The following ADGRV1 variants were observed in gnomAD, a reference collection of about 807,000 sequenced individuals.
The protein encoded by ADGRV1 is adhesion G protein-coupled receptor V1.
Under a neutral mutation model 596.2 loss-of-function variants are expected in ADGRV1, and 359 were observed. The observed-to-expected ratio is 0.60, with a 90% CI of 0.55 to 0.66. ADGRV1 has a LOEUF of 0.66. Among genes scored for constraint, ADGRV1 ranks in the 30% least tolerant of loss-of-function variants. The pLI is 0.00. For missense variants in ADGRV1, 7,274 were observed against 7,575.6 expected, an observed-to-expected ratio of 0.96 and a Z score of 1.48; for synonymous variants, 2,681 against 2,679.2, an observed-to-expected ratio of 1.00 and a Z score of -0.02.
At position 90,720,988 on chromosome 5, in the gene ADGRV1, C is replaced by A; in HGVS notation, c.9677C>A (p.Ser3226Tyr). 10 of 1,612,588 alleles carry A rather than the reference C, an allele frequency of 6.2e-6. No individual in the cohort carries two copies. The highest frequency in any genetic ancestry group is 8.5e-6 in the Non-Finnish European group (10 of 1,178,920). ...EANRTVYLNV[S>Y]RTNGIDLAVS... ...AATAGGACCGTGTATTTAAATGTAT[C>A]TCGAACTAATGGCATTGATTTGGCT... Residue 3226 changes from serine to tyrosine, a missense_variant, in exon 45 of 90, where the codon TCT becomes TAT. This residue lies in a region of ADGRV1 where 3,643 missense variants were observed against 3,809.2 expected (regional missense o/e 0.96). Transcript: ENST00000405460.
At chr5:90,654,840 T>C (rs1769172239) in intron 20 of ADGRV1, 1 of 152,148 alleles carries the variant, frequency 6.6e-6, no homozygotes, top group African/African-American at 2.4e-5. Flanking sequence ...TATTATCCAC[T>C]TTTTGGCTGT....
chr5:90,979,095 T>C (rs867700490), intron 84 of ADGRV1, among the ~76,000 whole-genome samples: 33 of 151,556 alleles, frequency 2.2e-4, no homozygotes, highest in African/African-American at 8.0e-4. Flanking sequence ...GCATTTAAAG[T>C]GAGTGGTGAA....
chr5:90,564,612 A>AAT lies in ADGRV1; in HGVS notation c.22+5708_22+5709dup, dbSNP rs200720440. On this transcript the variant is annotated intron_variant, in intron 1 of 89. Transcript: ENST00000405460. ...CAAAGTACACATTTCCATGGCGTTT[A>AAT]ATATATATATATATTTTTTTTTTTT... Among the ~76,000 whole-genome samples the AAT allele has an allele frequency of 1.3e-3, 97 of 77,092 alleles. 12 individuals carry two copies. The highest frequency in any genetic ancestry group is 4.7e-3 in the East Asian group (13 of 2,768). 50.6% of individuals were successfully genotyped at this position (77,092 alleles called of 152,430 possible).
At chr5:90,920,905 T>C (rs987106621) in intron 83 of ADGRV1, among the ~76,000 whole-genome samples, 2 of 152,224 alleles carry the variant, frequency 1.3e-5, no homozygotes, top group Admixed American at 1.3e-4. Flanking sequence ...TCCTTTGTTA[T>C]TGTTAACTGC....
intron 1 of ADGRV1, among the ~76,000 whole-genome samples, chr5:90,594,961 G>T (rs1237219674): frequency 1.4e-5 from 2 of 146,478 alleles, no homozygotes; most frequent in African/African-American, 5.2e-5. Context: ...CCACAAAGCC[G>T]CCATTGTCAT....
At chr5:90,995,853 G>A (rs1452562088) in intron 85 of ADGRV1, among the ~76,000 whole-genome samples, 2 of 152,176 alleles carry the variant, frequency 1.3e-5, no homozygotes, top group African/African-American at 4.8e-5. Flanking sequence ...GAGACTGGTG[G>A]CATTGTGCCC....
At chr5:90,699,968 A>AT (rs1048219829) in intron 34 of ADGRV1, among the ~76,000 whole-genome samples, 25 of 152,192 alleles carry the variant, frequency 1.6e-4, no homozygotes, top group African/African-American at 6.0e-4. Flanking sequence ...TGCTCCCTAG[A>AT]TTTTTTATGT....
At chr5:91,070,748 C>A (rs1788316921) in intron 85 of ADGRV1, among the ~76,000 whole-genome samples, 1 of 152,018 alleles carries the variant, frequency 6.6e-6, no homozygotes, top group Non-Finnish European at 1.5e-5. Context: ...TGCCTTGGAC[C>A]CCACTATCCT....
intron 87 of ADGRV1, among the ~76,000 whole-genome samples, chr5:91,114,351 A>AC (rs1174525782): frequency 2.6e-5 from 4 of 151,936 alleles, no homozygotes; most frequent in Non-Finnish European, 5.9e-5. Flanking sequence ...ACATGGTGAA[A>AC]CCCCATCTCT....
intron 87 of ADGRV1, among the ~76,000 whole-genome samples, chr5:91,110,212 GC>G (rs1171365328): frequency 1.3e-5 from 2 of 152,148 alleles, no homozygotes; most frequent in East Asian, 3.8e-4. Flanking sequence ...AACTATTCAG[GC>G]CAAGGTATAT....
chr5:90,694,642 G>A lies in ADGRV1; in HGVS notation c.7886G>A (p.Gly2629Glu). 1.2e-6 allele frequency: 2 copies of A among 1,613,088 alleles called. No individual in the cohort carries two copies. Among genetic ancestry groups the A allele is most frequent in the Non-Finnish European group, 1.7e-6 (2 of 1,179,390 alleles). Residue 2629 changes from glycine to glutamate, a missense_variant, in exon 33 of 90, where the codon GGA becomes GAA. By Grantham distance (98) the Gly-to-Glu change is moderately conservative. This residue lies in a region of ADGRV1 where 3,643 missense variants were observed against 3,809.2 expected (regional missense o/e 0.96). Coordinates refer to ENST00000405460, the MANE Select transcript of ADGRV1 (RefSeq NM_032119.4). ...GCAGTCGAATGGCGTGTTGTTGGTG[G>A]AACAGCTACTGAAGGTTTAGATTTT... ...QVAVEWRVVG[G>E]TATEGLDFIG... is the part of the protein sequence containing the mutation.
intron 87 of ADGRV1, among the ~76,000 whole-genome samples, chr5:91,118,292 G>C (rs538462503): frequency 6.6e-6 from 1 of 152,108 alleles, no homozygotes; most frequent in South Asian, 2.1e-4. Flanking sequence ...AAAGGCCTTG[G>C]GGGAGGGGGA....
intron 85 of ADGRV1, among the ~76,000 whole-genome samples, chr5:91,024,632 G>T (rs1013453010): frequency 6.6e-6 from 1 of 151,882 alleles, no homozygotes; most frequent in Non-Finnish European, 1.5e-5. Context: ...ACAATCCAGG[G>T]TTCCATAAAA....
chr5:90,888,566 C>T (rs2150572484), intron 83 of ADGRV1, among the ~76,000 whole-genome samples: 1 of 152,194 alleles, frequency 6.6e-6, no homozygotes, highest in Middle Eastern at 3.4e-3. Flanking sequence ...GAAAAAATGA[C>T]TAATGGGCCT....
Position 90,777,925 on chromosome 5 carries a change from T to C in ADGRV1, c.12548T>C (p.Ile4183Thr), listed in dbSNP as rs570307357. The C allele has an allele frequency of 3.7e-6, 6 of 1,610,024 alleles. No homozygotes were observed. The Admixed American group carries it at 1.0e-4, about 27-fold the overall frequency. ...AIISLVRGPGILGEVTVFWRI... is the reference protein window; with the variant it reads ...AIISLVRGPGTLGEVTVFWRI... ...TGTAGCCTTGTTCGAGGCCCAGGGA[T>C]TTTGGGGGAGGTCACAGTGTTCTGG... is the stretch of plus-strand genomic sequence containing the variant. Residue 4183 changes from isoleucine (I) to threonine (T), a missense_variant, in exon 62 of 90, where the codon ATT (isoleucine) becomes ACT (threonine). Transcript: ENST00000405460.
intron 85 of ADGRV1, among the ~76,000 whole-genome samples, chr5:90,989,180 G>A (rs1054522819): frequency 1.3e-5 from 2 of 151,822 alleles, no homozygotes; most frequent in Non-Finnish European, 2.9e-5. Flanking sequence ...TGGGTCAAAT[G>A]GTATTTCTAG....
intron 82 of ADGRV1, among the ~76,000 whole-genome samples, chr5:90,863,009 A>G (rs1166003785): frequency 6.6e-6 from 1 of 152,224 alleles, no homozygotes; most frequent in Non-Finnish European, 1.5e-5. Flanking sequence ...AGCAGTATAC[A>G]TATGTCAATT....
At chr5:90,885,657 G>A (rs1245038229) in intron 83 of ADGRV1, among the ~76,000 whole-genome samples, 1 of 152,190 alleles carries the variant, frequency 6.6e-6, no homozygotes, top group African/African-American at 2.4e-5. Context: ...GGCACAAGGT[G>A]AGGACTGAAA....
chr5:90,970,356 T>G (rs766759840), intron 84 of ADGRV1, among the ~76,000 whole-genome samples: 1 of 152,150 alleles, frequency 6.6e-6, no homozygotes, highest in African/African-American at 2.4e-5. Context: ...TGTCCCTGTC[T>G]GACAGTTTTG....
Sources: allele counts gnomAD v4.1 joint callset (sites outside exome capture counted in the v4.1 genomes callset), GRCh38; gene constraint gnomAD v4.1.1; regional missense constraint gnomAD v4.1.1; transcripts MANE v1.5; gene names NCBI Gene and HGNC (gene_info 2026-07-23, HGNC 2026-07-21).